The following EXT2 variants were observed in gnomAD, a reference collection of about 807,000 sequenced individuals.
The protein encoded by EXT2 is exostosin glycosyltransferase 2.
In EXT2, 53 loss-of-function variants were observed where a neutral mutation model predicts 81.6. The observed-to-expected ratio is 0.65, with a 90% CI of 0.52 to 0.82. The LOEUF is 0.82. Ranked by LOEUF, EXT2 falls within the 40% of genes least tolerant of loss-of-function variation. The pLI is 0.00. For missense variants in EXT2, 774 were observed against 910.2 expected (o/e 0.85, Z 1.93); for synonymous variants, 320 against 340.0 (o/e 0.94, Z 0.65).
intron 7 of EXT2, among the ~76,000 whole-genome samples, chr11:44,145,676 A>T (rs1290832061): frequency 6.6e-6 from 1 of 152,212 alleles, no homozygotes; most frequent in Non-Finnish European, 1.5e-5. Context: ...GGCTGAGTAG[A>T]TGGCCTGAGG....
chr11:44,159,315 T>C (rs1476045453), intron 7 of EXT2, among the ~76,000 whole-genome samples: 1 of 152,044 alleles, frequency 6.6e-6, no homozygotes, highest in South Asian at 2.1e-4. Context: ...TGTTCTACAG[T>C]TGTTGGAGAT....
chr11:44,108,156 C>A lies in EXT2; in HGVS notation c.444C>A (p.Asn148Lys), dbSNP rs145884580. 5 of 1,614,126 alleles carry A rather than the reference C, an allele frequency of 3.1e-6. No individual in the cohort carries two copies. Among genetic ancestry groups the A allele is most frequent in the Non-Finnish European group, 4.2e-6 (5 of 1,180,036 alleles). Residue 148 changes from asparagine (N) to lysine (K), a missense_variant, in exon 2 of 14, where the codon AAC (asparagine) becomes AAA (lysine). Transcript: ENST00000533608. ...SDSDYYTDDI[N>K]RACLFVPSID... ...GTGACTACTACACTGATGACATCAA[C>A]CGGGCCTGTCTGTTTGTTCCCTCCA... is the stretch of plus-strand genomic sequence containing the variant.
chr11:44,155,196 T>C (rs1301577709), intron 7 of EXT2, among the ~76,000 whole-genome samples: 1 of 152,156 alleles, frequency 6.6e-6, no homozygotes, highest in Non-Finnish European at 1.5e-5. Flanking sequence ...CTGGACAGTT[T>C]CCCTAGTGTT....
At chr11:44,124,408 A>C (rs1954365125) in intron 4 of EXT2, among the ~76,000 whole-genome samples, 1 of 151,232 alleles carries the variant, frequency 6.6e-6, no homozygotes. Context: ...CTAAGACAAC[A>C]CTTCGATGTT....
At chr11:44,126,250 T>C (rs1304401346) in intron 5 of EXT2, among the ~76,000 whole-genome samples, 1 of 152,234 alleles carries the variant, frequency 6.6e-6, no homozygotes, top group East Asian at 1.9e-4. Flanking sequence ...ATAGAACATA[T>C]TAGTCTTAAT....
intron 4 of EXT2, among the ~76,000 whole-genome samples, chr11:44,117,658 C>T (rs1346073118): frequency 1.3e-5 from 2 of 152,222 alleles, no homozygotes; most frequent in Non-Finnish European, 2.9e-5. Flanking sequence ...CAATTCGAAT[C>T]TGTTGGTCTA....
At chr11:44,165,323 G>C (rs1213961493) in intron 7 of EXT2, among the ~76,000 whole-genome samples, 1 of 152,218 alleles carries the variant, frequency 6.6e-6, no homozygotes, top group Non-Finnish European at 1.5e-5. Flanking sequence ...CCTCTCTGTG[G>C]ACAAGCAGGC....
At chr11:44,210,802 G>A (rs1386357321) in intron 10 of EXT2, among the ~76,000 whole-genome samples, 3 of 152,172 alleles carry the variant, frequency 2.0e-5, no homozygotes, top group Non-Finnish European at 4.4e-5. Flanking sequence ...GTTGCCGAGA[G>A]AAATTGAAGA....
At chr11:44,160,094 G>A (rs891940763) in intron 7 of EXT2, among the ~76,000 whole-genome samples, 7 of 152,206 alleles carry the variant, frequency 4.6e-5, no homozygotes, top group African/African-American at 1.4e-4. Flanking sequence ...AGTATTCTCT[G>A]TGAGAACCTG....
chr11:44,205,775 C>A (rs1452137487), intron 9 of EXT2, among the ~76,000 whole-genome samples: 1 of 152,176 alleles, frequency 6.6e-6, no homozygotes. Context: ...TCAAGACCCA[C>A]AGAAATGAGA....
intron 7 of EXT2, among the ~76,000 whole-genome samples, chr11:44,170,298 G>A (rs1016188706): frequency 6.6e-6 from 1 of 152,086 alleles, no homozygotes; most frequent in Non-Finnish European, 1.5e-5. Flanking sequence ...AAAATGATAT[G>A]TAAATGTGCA....
chr11:44,127,904 T>C (rs774790635), intron 6 of EXT2, among the ~76,000 whole-genome samples: 1 of 152,250 alleles, frequency 6.6e-6, no homozygotes, highest in Non-Finnish European at 1.5e-5. Flanking sequence ...TCCATTCTAC[T>C]GGGTGTTCAC....
chr11:44,154,285 C>T (rs1215491607), intron 7 of EXT2, among the ~76,000 whole-genome samples: 1 of 152,098 alleles, frequency 6.6e-6, no homozygotes, highest in Admixed American at 6.5e-5. Flanking sequence ...TCCCTACTTA[C>T]CACTCCCCAC....
rs1179767716 is a variant in EXT2, at chr11:44,247,051, G to T, written c.*2764G>T. 6.6e-6 allele frequency among the ~76,000 whole-genome samples: 1 copy of T among 152,234 alleles called. No individual in the cohort carries two copies. The highest frequency in any genetic ancestry group is 1.5e-5 in the Non-Finnish European group (1 of 68,048). On this transcript the variant is annotated 3_prime_UTR_variant, in exon 14 of 14. Transcript: ENST00000533608. ...TAACTGGGATGGGCCTGCTTGGAAT[G>T]CCAGGGCTGGAAATACTTTTTTATT...
intron 7 of EXT2, among the ~76,000 whole-genome samples, chr11:44,138,159 G>T (rs955070640): frequency 2.0e-5 from 3 of 152,160 alleles, no homozygotes; most frequent in Non-Finnish European, 4.4e-5. Context: ...GGAGGCAGGG[G>T]AGAGCTTTGA....
At chr11:44,171,457 C>T (rs767207421) in intron 7 of EXT2, among the ~76,000 whole-genome samples, 154 bp from the exon 8 acceptor site, 4 of 152,212 alleles carry the variant, frequency 2.6e-5, no homozygotes, top group Non-Finnish European at 4.4e-5. Context: ...TGGCAGCTGG[C>T]TTGAACAGCA....
At chr11:44,149,825 A>G (rs2135079326) in intron 7 of EXT2, among the ~76,000 whole-genome samples, 1 of 152,302 alleles carries the variant, frequency 6.6e-6, no homozygotes, top group Non-Finnish European at 1.5e-5. Flanking sequence ...GTTCCAGGCC[A>G]CTGTGTTTGA....
Position 44,206,899 on chromosome 11 carries a change from T to C in EXT2, c.1602T>C (p.Val534=). 6.2e-7 allele frequency: 1 copy of C among 1,614,180 alleles called. No homozygotes were observed. Among genetic ancestry groups the C allele is most frequent in the Non-Finnish European group, 8.5e-7 (1 of 1,180,014 alleles). Reference sequence around the variant, plus strand: ...ATGATGAAATCGAGACAGAAGCTGTTCTGGCCATTGATGATGATATCATTA... The same window carrying C: ...ATGATGAAATCGAGACAGAAGCTGTCCTGGCCATTGATGATGATATCATTA... ...FPYDEIETEA[V]LAIDDDIIML... The change falls in exon 10 of 14, where the codon GTT becomes GTC. Residue 534 remains valine, a synonymous_variant. Transcript: ENST00000533608.
chr11:44,226,813 G>A (rs894474457), intron 10 of EXT2, among the ~76,000 whole-genome samples: 2 of 152,246 alleles, frequency 1.3e-5, no homozygotes. Flanking sequence ...GTGACAGCAA[G>A]GTTTGAGCTG....
Sources: allele counts gnomAD v4.1 joint callset (sites outside exome capture counted in the v4.1 genomes callset), GRCh38; gene constraint gnomAD v4.1.1; transcripts MANE v1.5; gene names NCBI Gene and HGNC (gene_info 2026-07-23, HGNC 2026-07-21).